CIMIP6: variants seen among roughly 807,000 people sequenced by gnomAD.
The protein encoded by CIMIP6 is uncharacterized protein C2orf73.
the CIMIP6 span, among the ~76,000 whole-genome samples, chr2:54,340,352 G>A: frequency 7.9e-5 from 12 of 151,810 alleles, no homozygotes; most frequent in Admixed American, 3.3e-4. Flanking sequence ...TAAATTTTTT[G>A]TTAGTCTTTC....
At chr2:54,333,958 G>A in the CIMIP6 span, among the ~76,000 whole-genome samples, 1 of 152,128 alleles carries the variant, frequency 6.6e-6, no homozygotes, top group Non-Finnish European at 1.5e-5. Context: ...AGGAAGGCAG[G>A]TGTTATACTT....
chr2:54,350,832 A>C, the CIMIP6 span, among the ~76,000 whole-genome samples: 1 of 152,210 alleles, frequency 6.6e-6, no homozygotes, highest in East Asian at 1.9e-4. Flanking sequence ...AGCACAGCTA[A>C]ATGCAGAATT....
the CIMIP6 span, among the ~76,000 whole-genome samples, chr2:54,378,040 G>A: frequency 6.6e-6 from 1 of 152,148 alleles, no homozygotes; most frequent in Non-Finnish European, 1.5e-5. Context: ...CCGTTAATTG[G>A]TGGGAGCTAT....
chr2:54,357,761 T>C, the CIMIP6 span, among the ~76,000 whole-genome samples: 1 of 150,706 alleles, frequency 6.6e-6, no homozygotes, highest in African/African-American at 2.4e-5. Flanking sequence ...TTTTTTTGTA[T>C]TTTTAGTAGA....
the CIMIP6 span, among the ~76,000 whole-genome samples, chr2:54,372,468 T>G: frequency 1.3e-5 from 2 of 152,112 alleles, no homozygotes; most frequent in African/African-American, 4.8e-5. Flanking sequence ...GGAGTCTGTG[T>G]CCCCTCTGCG....
At chr2:54,359,066 C>T in the CIMIP6 span, 8 of 1,481,196 alleles carry the variant, frequency 5.4e-6, no homozygotes, top group Admixed American at 4.1e-5. Context: ...TGAGCCTCTC[C>T]AGGGAAAGGT....
chr2:54,350,046 G>A, the CIMIP6 span, among the ~76,000 whole-genome samples: 2 of 152,022 alleles, frequency 1.3e-5, no homozygotes, highest in African/African-American at 4.8e-5. Context: ...AGTAGAGACA[G>A]GGTTTCACCA....
chr2:54,374,588 C>G, the CIMIP6 span, among the ~76,000 whole-genome samples: 9 of 152,150 alleles, frequency 5.9e-5, no homozygotes, highest in Non-Finnish European at 1.2e-4. Flanking sequence ...AAATATCAAC[C>G]AGGTCTTCAC....
chr2:54,362,307 A>T, the CIMIP6 span, among the ~76,000 whole-genome samples: 2 of 152,366 alleles, frequency 1.3e-5, no homozygotes, highest in Non-Finnish European at 2.9e-5. Context: ...GAATGACTAT[A>T]ATTTCAGAAC....
the CIMIP6 span, among the ~76,000 whole-genome samples, chr2:54,371,466 G>A: frequency 6.6e-6 from 1 of 152,206 alleles, no homozygotes; most frequent in Non-Finnish European, 1.5e-5. Flanking sequence ...CGGTCCCAAG[G>A]GAATGGCCAT....
At chr2:54,342,306 G>A in the CIMIP6 span, among the ~76,000 whole-genome samples, 1 of 152,124 alleles carries the variant, frequency 6.6e-6, no homozygotes, top group Non-Finnish European at 1.5e-5. Flanking sequence ...TCCTGAACCA[G>A]ATTCTTCTCT....
the CIMIP6 span, among the ~76,000 whole-genome samples, chr2:54,344,525 G>A: frequency 1.3e-5 from 2 of 152,180 alleles, no homozygotes; most frequent in Non-Finnish European, 2.9e-5. Context: ...CGCCGAGCCA[G>A]CAGGCATAGT....
At chr2:54,376,688 T>A in the CIMIP6 span, among the ~76,000 whole-genome samples, 1 of 152,088 alleles carries the variant, frequency 6.6e-6, no homozygotes, top group East Asian at 1.9e-4. Context: ...AGGAGTAACA[T>A]GGAGTGAGTT....
At chr2:54,373,320 T>C in the CIMIP6 span, among the ~76,000 whole-genome samples, 2 of 128,980 alleles carry the variant, frequency 1.6e-5, no homozygotes, top group African/African-American at 2.8e-5. Context: ...TGCTGCCGCC[T>C]GGGCTGCCCA....
At chr2:54,376,369 C>T in the CIMIP6 span, among the ~76,000 whole-genome samples, 1 of 152,170 alleles carries the variant, frequency 6.6e-6, no homozygotes, top group East Asian at 1.9e-4. Context: ...CAAAGACATC[C>T]TTAACTATAT....
the CIMIP6 span, among the ~76,000 whole-genome samples, chr2:54,349,893 G>A: frequency 6.7e-6 from 1 of 150,164 alleles, no homozygotes; most frequent in Non-Finnish European, 1.5e-5. Flanking sequence ...CTGTCGCCCA[G>A]GCTGGAGGGC....
chr2:54,350,836 C>T, the CIMIP6 span, among the ~76,000 whole-genome samples: 4 of 152,164 alleles, frequency 2.6e-5, no homozygotes, highest in African/African-American at 9.6e-5. Flanking sequence ...CAGCTAAATG[C>T]AGAATTCTGG....
At chr2:54,343,773 C>A in the CIMIP6 span, 7 of 1,612,558 alleles carry the variant, frequency 4.3e-6, no homozygotes, top group South Asian at 7.7e-5. Context: ...TACCACCTTA[C>A]GACTCTAAGA....
the CIMIP6 span, chr2:54,331,062 G>T: frequency 6.4e-7 from 1 of 1,559,612 alleles, no homozygotes. Context: ...TCCTTCAGGG[G>T]GAGGCCGGGA....
Sources: gnomAD v4.1 joint callset for allele counts (sites outside exome capture counted in the v4.1 genomes callset) on GRCh38, gnomAD v4.1.1 for gene constraint, MANE v1.5 for transcripts, NCBI Gene and HGNC (gene_info 2026-07-23, HGNC 2026-07-21) for gene names.